The following CNRIP1 variants were observed in gnomAD, a reference collection of about 807,000 sequenced individuals.
CNRIP1 encodes the protein CB1 cannabinoid receptor-interacting protein 1.
A neutral mutation model predicts 15.2 loss-of-function variants in CNRIP1; 10 were observed. The observed-to-expected ratio is 0.66, with a 90% CI of 0.41 to 1.12. CNRIP1 has a LOEUF of 1.12. Ranked by LOEUF, CNRIP1 falls within the 50% of genes most tolerant of loss-of-function variation. The pLI, the probability that CNRIP1 is intolerant of heterozygous loss-of-function variation, is 0.00. For missense variants in CNRIP1, 211 were observed against 214.7 expected (o/e 0.98, Z 0.11); for synonymous variants, 91 against 83.2 (o/e 1.09, Z -0.51).
At chr2:68,316,750 G>A (rs999702501) in intron 2 of CNRIP1, 14 of 330,526 alleles carry the variant, frequency 4.2e-5, no homozygotes, top group Non-Finnish European at 7.7e-5. Flanking sequence ...CACTTTTTTT[G>A]GCTCCTCCAT....
chr2:68,291,901 A>G (rs982167407), downstream of CNRIP1, among the ~76,000 whole-genome samples: 2 of 139,358 alleles, frequency 1.4e-5, no homozygotes, highest in African/African-American at 2.7e-5. Flanking sequence ...AAAAAAAAAG[A>G]GTGGATTATT....
intron 2 of CNRIP1, chr2:68,316,041 T>TA (rs1381786926): frequency 6.6e-6 from 1 of 152,226 alleles, no homozygotes; most frequent in East Asian, 1.9e-4. Context: ...GAGCACTTTC[T>TA]AAAAATAGTT....
At chr2:68,288,023 G>T (rs1221048025), downstream of CNRIP1, among the ~76,000 whole-genome samples, 2 of 151,900 alleles carry the variant, frequency 1.3e-5, no homozygotes, top group African/African-American at 2.4e-5. Context: ...CCCCGTAAAG[G>T]CTAACAGATT....
At chr2:68,297,302 C>T (rs1671404472) in intron 2 of CNRIP1, among the ~76,000 whole-genome samples, 2 of 152,132 alleles carry the variant, frequency 1.3e-5, no homozygotes, top group African/African-American at 2.4e-5. Flanking sequence ...CGCAGTGGCT[C>T]ATGCCTGTAA....
intron 2 of CNRIP1, among the ~76,000 whole-genome samples, chr2:68,309,950 C>CGTATGTAT (rs140235944): frequency 4.5e-4 from 69 of 151,882 alleles, no homozygotes; most frequent in East Asian, 1.2e-3. Flanking sequence ...TTTATATTTA[C>CGTATGTAT]GTATGTATGT....
intron 2 of CNRIP1, chr2:68,316,852 T>C: frequency 3.6e-6 from 2 of 562,064 alleles, no homozygotes; most frequent in South Asian, 4.8e-5. Context: ...TCACAGCCAA[T>C]TATCTAAACC....
chr2:68,287,802 A>T (rs1285234147), intron 2 of CNRIP1, among the ~76,000 whole-genome samples: 1 of 152,248 alleles, frequency 6.6e-6, no homozygotes, highest in Non-Finnish European at 1.5e-5. Flanking sequence ...AGGGCTGGAA[A>T]CATTTGGTAA....
At chr2:68,286,318 ACAC>A (rs1671030192) in intron 2 of CNRIP1, among the ~76,000 whole-genome samples, 1 of 9,394 alleles carries the variant, frequency 1.1e-4, no homozygotes, top group South Asian at 8.9e-3. Context: ...GACCTTACGA[ACAC>A]ACACACACAC....
At position 68,317,144 on chromosome 2, in the gene CNRIP1, A is replaced by T. The variant is rs904683241; in HGVS notation, c.330+13T>A. The T allele has an allele frequency of 6.2e-7, 1 of 1,613,984 alleles. No homozygotes were observed. Among genetic ancestry groups the T allele is most frequent in the Non-Finnish European group, 8.5e-7 (1 of 1,179,990 alleles). ...CATGGCACCATACTCCTATACCCGC[A>T]AGCAAGCCTTACCGGCATGGTGATC... is the stretch of plus-strand genomic sequence containing the variant. On this transcript the variant is annotated intron_variant, in intron 2 of 2. Coordinates refer to ENST00000263655, the MANE Select transcript of CNRIP1 (RefSeq NM_015463.3).
chr2:68,313,751 T>C (rs1018144863), intron 2 of CNRIP1, among the ~76,000 whole-genome samples: 5 of 152,168 alleles, frequency 3.3e-5, no homozygotes, highest in African/African-American at 1.2e-4. Context: ...CCTATGTAAC[T>C]GTAAAGTTGG....
chr2:68,317,022 G>A (rs750257587), intron 2 of CNRIP1, 135 bp downstream of exon 2: 8 of 1,088,638 alleles, frequency 7.3e-6, no homozygotes, highest in Admixed American at 1.7e-5. Flanking sequence ...GATGCTTGAA[G>A]GAAATCCACA....
At chr2:68,315,761 A>C (rs1002846792) in intron 2 of CNRIP1, among the ~76,000 whole-genome samples, 11 of 152,126 alleles carry the variant, frequency 7.2e-5, no homozygotes, top group Non-Finnish European at 1.6e-4. Flanking sequence ...CTGCAGCCTC[A>C]ACCTCCTGGA....
At chr2:68,306,853 T>G (rs1671873720) in intron 2 of CNRIP1, among the ~76,000 whole-genome samples, 1 of 152,080 alleles carries the variant, frequency 6.6e-6, no homozygotes, top group African/African-American at 2.4e-5. Context: ...AGTCAGATTC[T>G]CGAATACTGT....
rs1293388036 is a variant in CNRIP1 at position 68,319,447 on chromosome 2, C to T, written c.-47G>A. ...GGCGGCTCCGGGGGGCGGAGGACAG[C>T]GCCGGCTGCGGCCGAGTGGCTGGAG... is the stretch of plus-strand genomic sequence containing the variant. On this transcript the variant is annotated 5_prime_UTR_variant, in exon 1 of 3. Transcript: ENST00000263655. The T allele has an allele frequency of 2.7e-6, 4 of 1,457,200 alleles. No homozygotes were observed. Among genetic ancestry groups the T allele is most frequent in the South Asian group, 1.4e-5 (1 of 73,174 alleles). The allele number at this position is 1,457,200 out of a possible 1,614,324, so 90.3% of individuals were successfully genotyped here.
At chr2:68,311,619 C>CA (rs1451737057) in intron 2 of CNRIP1, among the ~76,000 whole-genome samples, 38 of 151,282 alleles carry the variant, frequency 2.5e-4, no homozygotes, top group Middle Eastern at 6.9e-3. Context: ...ACTAAAAATA[C>CA]AAAAAATTAG....
chr2:68,291,755 C>A (rs184511897), downstream of CNRIP1, among the ~76,000 whole-genome samples: 3 of 151,638 alleles, frequency 2.0e-5, no homozygotes, highest in Admixed American at 2.0e-4. Context: ...AGCACACGCC[C>A]GTAATCCCAG....
At chr2:68,298,112 G>A (rs1338851430) in intron 2 of CNRIP1, among the ~76,000 whole-genome samples, 1 of 151,940 alleles carries the variant, frequency 6.6e-6, no homozygotes, top group African/African-American at 2.4e-5. Context: ...ATGAAATTAT[G>A]ACTTTGTTCA....
At chr2:68,309,351 G>C (rs938620734) in intron 2 of CNRIP1, among the ~76,000 whole-genome samples, 2 of 152,316 alleles carry the variant, frequency 1.3e-5, no homozygotes, top group Non-Finnish European at 2.9e-5. Flanking sequence ...GCTAAATTGA[G>C]AATTCAAGAC....
At chr2:68,286,787 T>G (rs751165104) in intron 2 of CNRIP1, among the ~76,000 whole-genome samples, 21 of 152,208 alleles carry the variant, frequency 1.4e-4, no homozygotes, top group Non-Finnish European at 2.6e-4. Context: ...TCATACTGAT[T>G]TGGATTTTCA....
Sources: allele counts gnomAD v4.1 joint callset (sites outside exome capture counted in the v4.1 genomes callset), GRCh38; gene constraint gnomAD v4.1.1; transcripts MANE v1.5; gene names NCBI Gene and HGNC (gene_info 2026-07-23, HGNC 2026-07-21).